GPR89B: variants seen among roughly 807,000 people sequenced by gnomAD.
GPR89B encodes golgi pH regulator B, also known as G protein-coupled receptor 89B.
In GPR89B, 25 loss-of-function variants were observed where a neutral mutation model predicts 52.4. That is an observed-to-expected ratio of 0.48 (90% CI 0.35 to 0.67). The LOEUF (loss-of-function observed/expected upper bound fraction) is 0.67. Ranked by LOEUF, GPR89B falls within the 30% of genes least tolerant of loss-of-function variation. GPR89B has a pLI of 0.01. For synonymous variants in GPR89B, 52 were observed against 151.2 expected (o/e 0.34, Z 4.81); for missense variants, 146 against 450.2 (o/e 0.32, Z 6.11).
Position 147,970,841 on chromosome 1 carries a change from T to C in GPR89B, c.909+882T>C, listed in dbSNP as rs1244038074. 5.2e-3 allele frequency among the ~76,000 whole-genome samples: 782 copies of C among 150,400 alleles called. 7 individuals are homozygous for C. The highest frequency in any genetic ancestry group is 0.018 in the African/African-American group (733 of 40,352). ...TACAGTATTTGTCTTTACCTCTGAC[T>C]CAGGTATTAATGGATTTCAATGTGA... On this transcript the variant is annotated intron_variant, in intron 10 of 13. Transcript: ENST00000314163.
the GPR89B span, chr1:148,014,479 A>G: frequency 6.6e-6 from 1 of 151,148 alleles, no homozygotes; most frequent in Admixed American, 6.6e-5. Context: ...AGGGCCCCGC[A>G]TGTGGAGAAA....
intron 5 of GPR89B, among the ~76,000 whole-genome samples, chr1:147,949,368 G>A (rs1202690277): frequency 1.4e-5 from 2 of 145,188 alleles, no homozygotes; most frequent in Non-Finnish European, 3.0e-5. Flanking sequence ...CTCCCAGACC[G>A]GGTGGCTGGC....
intron 1 of GPR89B, among the ~76,000 whole-genome samples, 197 bp from the exon 2 acceptor site, chr1:147,936,430 A>T (rs1306213740): frequency 6.6e-6 from 1 of 152,230 alleles, no homozygotes; most frequent in African/African-American, 2.4e-5. Flanking sequence ...GGATAACTTC[A>T]AAACTCCAAG....
intron 10 of GPR89B, among the ~76,000 whole-genome samples, chr1:147,974,918 A>G (rs1237391464): frequency 3.3e-5 from 5 of 150,554 alleles, no homozygotes; most frequent in Non-Finnish European, 7.4e-5. Context: ...TTCTGTGTCT[A>G]TTGAGATAAT....
intron 7 of GPR89B, among the ~76,000 whole-genome samples, chr1:147,963,809 G>A (rs1236768608): frequency 5.9e-5 from 9 of 152,058 alleles, no homozygotes; most frequent in African/African-American, 2.2e-4. Flanking sequence ...TAAACATGCC[G>A]TTACCACACC....
At chr1:147,991,208 C>A (rs1341237601) in intron 12 of GPR89B, among the ~76,000 whole-genome samples, 11,153 of 148,744 alleles carry the variant, frequency 0.075, 927 homozygotes, top group African/African-American at 0.2. Context: ...CTCTTTGAAG[C>A]AATTGTGAAT....
At chr1:148,004,012 C>T in the GPR89B span, 4 of 486,844 alleles carry the variant, frequency 8.2e-6, no homozygotes, top group East Asian at 1.4e-4. Flanking sequence ...TGAGGAATGA[C>T]ATCAACCCCC....
At chr1:147,955,201 T>A (rs1306937109) in intron 7 of GPR89B, among the ~76,000 whole-genome samples, 1 of 151,894 alleles carries the variant, frequency 6.6e-6, no homozygotes, top group Non-Finnish European at 1.5e-5. Context: ...CATAGTGCTC[T>A]CCAGTTATAT....
In GPR89B at chr1:147,968,964, G is replaced by A; in HGVS notation, c.816+1G>A. 6.2e-7 allele frequency: 1 copy of A among 1,600,006 alleles called. No individual in the cohort carries two copies. ...AACAGCTGATCTATATGCTACCAAG[G>A]TACAGAGCAAGGAAACTGAAGTGTG... On this transcript the variant is annotated splice_donor_variant, in intron 9 of 13. Transcript: ENST00000314163. LOFTEE classifies it high-confidence loss of function.
At chr1:148,000,301 C>T in the GPR89B span, among the ~76,000 whole-genome samples, 1 of 150,922 alleles carries the variant, frequency 6.6e-6, no homozygotes, top group African/African-American at 2.4e-5. Context: ...CGGTTAGGAA[C>T]AAGTAGCATG....
At chr1:147,944,925 A>G (rs1474328954) in intron 5 of GPR89B, among the ~76,000 whole-genome samples, 1 of 152,078 alleles carries the variant, frequency 6.6e-6, no homozygotes, top group Non-Finnish European at 1.5e-5. Context: ...TTTATTCACC[A>G]TCCTGCCGTA....
chr1:147,936,419 T>G (rs1654093081), intron 1 of GPR89B, among the ~76,000 whole-genome samples: 1 of 152,234 alleles, frequency 6.6e-6, no homozygotes, highest in Non-Finnish European at 1.5e-5. Context: ...CTCTGTAACA[T>G]GGATAACTTC....
the GPR89B span, among the ~76,000 whole-genome samples, chr1:148,002,852 C>G: frequency 1.3e-5 from 2 of 152,158 alleles, no homozygotes; most frequent in African/African-American, 4.8e-5. Context: ...AATGATCTTC[C>G]TTATCCCAGC....
chr1:148,013,345 C>CA, the GPR89B span, among the ~76,000 whole-genome samples: 1 of 152,154 alleles, frequency 6.6e-6, no homozygotes, highest in Non-Finnish European at 1.5e-5. Context: ...CGCCTTCTTC[C>CA]AGGAAGACGC....
chr1:147,981,671 G>A (rs1242303285), intron 10 of GPR89B, among the ~76,000 whole-genome samples: 3 of 151,320 alleles, frequency 2.0e-5, no homozygotes, highest in Non-Finnish European at 4.4e-5. Flanking sequence ...TTTTTGTTTT[G>A]AGACACAGTC....
chr1:147,994,937 GTTTAC>G (rs1659279815), downstream of GPR89B, among the ~76,000 whole-genome samples: 1 of 152,084 alleles, frequency 6.6e-6, no homozygotes, highest in Non-Finnish European at 1.5e-5. Flanking sequence ...GGATAAGTCA[GTTTAC>G]TTTTGGACCT....
intron 7 of GPR89B, among the ~76,000 whole-genome samples, chr1:147,966,244 A>G (rs1278307427): frequency 2.0e-5 from 3 of 152,020 alleles, no homozygotes; most frequent in Non-Finnish European, 4.4e-5. Context: ...CATATGTATT[A>G]TTTCATTTAT....
the GPR89B span, among the ~76,000 whole-genome samples, chr1:148,018,533 A>G: frequency 6.6e-6 from 1 of 151,558 alleles, no homozygotes; most frequent in Non-Finnish European, 1.5e-5. Context: ...TATGCCCATC[A>G]TCTCCAACAT....
chr1:147,982,099 G>A (rs1189275677), intron 10 of GPR89B, among the ~76,000 whole-genome samples: 58 of 151,456 alleles, frequency 3.8e-4, no homozygotes, highest in African/African-American at 5.1e-4. Context: ...TCGCTCTGTC[G>A]CCCAGGCTGG....
Sources: allele counts gnomAD v4.1 joint callset (sites outside exome capture counted in the v4.1 genomes callset), GRCh38; gene constraint gnomAD v4.1.1; transcripts MANE v1.5; gene names NCBI Gene and HGNC (gene_info 2026-07-23, HGNC 2026-07-21).